Variants in DTNBP1 observed in about 807,000 individuals in gnomAD.
The protein encoded by DTNBP1 is dysbindin.
A neutral mutation model predicts 42.8 loss-of-function variants in DTNBP1; 35 were observed. The observed-to-expected ratio is 0.82, with a 90% confidence interval of 0.63 to 1.09. The LOEUF is 1.09. DTNBP1 is among the 50% of genes least tolerant of loss of function. The pLI is 0.00. For missense variants in DTNBP1, 457 were observed against 424.2 expected (o/e 1.08, Z -0.68); for synonymous variants, 171 against 162.2 (o/e 1.05, Z -0.41).
chr6:15,538,874 T>G (rs1410691386), intron 7 of DTNBP1, among the ~76,000 whole-genome samples: 3 of 152,296 alleles, frequency 2.0e-5, no homozygotes, highest in East Asian at 3.9e-4. Flanking sequence ...TTTCCTCTGG[T>G]TCAGCTCAGG....
At chr6:15,598,545 C>A (rs1776601486) in intron 6 of DTNBP1, among the ~76,000 whole-genome samples, 1 of 152,120 alleles carries the variant, frequency 6.6e-6, no homozygotes. Context: ...ATGGACAGAA[C>A]CTATTACTGT....
chr6:15,557,571 G>A (rs1427663569), intron 7 of DTNBP1, among the ~76,000 whole-genome samples: 1 of 152,090 alleles, frequency 6.6e-6, no homozygotes, highest in Non-Finnish European at 1.5e-5. Flanking sequence ...TTATCTAAGG[G>A]TTTTACTAAG....
chr6:15,589,473 A>T (rs1234068408), intron 7 of DTNBP1, among the ~76,000 whole-genome samples: 1 of 152,180 alleles, frequency 6.6e-6, no homozygotes, highest in African/African-American at 2.4e-5. Flanking sequence ...CTCCACAGCC[A>T]ATCATTTCAA....
At chr6:15,653,379 C>T (rs1455094788) in intron 1 of DTNBP1, among the ~76,000 whole-genome samples, 5 of 152,118 alleles carry the variant, frequency 3.3e-5, no homozygotes, top group Non-Finnish European at 1.5e-5. Flanking sequence ...CTTATGTCTA[C>T]CTTTCCTAAA....
At chr6:15,644,180 A>G (rs1760539638) in intron 3 of DTNBP1, among the ~76,000 whole-genome samples, 1 of 151,942 alleles carries the variant, frequency 6.6e-6, no homozygotes. Context: ...ACAGTTAAAA[A>G]AAAAAAAAAA....
chr6:15,637,387 T>TC (rs1423472215), intron 4 of DTNBP1, among the ~76,000 whole-genome samples: 8 of 152,210 alleles, frequency 5.3e-5, no homozygotes, highest in African/African-American at 1.7e-4. Context: ...TAAGGAATTC[T>TC]TAAATAGTGT....
At chr6:15,533,130 GAA>G in intron 8 of DTNBP1, 108 bp downstream of exon 8, 7 of 1,540,178 alleles carry the variant, frequency 4.5e-6, no homozygotes, top group Non-Finnish European at 6.1e-6. Context: ...TCTCATAACA[GAA>G]CGGAACTTCT....
At chr6:15,620,866 G>C (rs1581402492) in intron 5 of DTNBP1, among the ~76,000 whole-genome samples, 1 of 152,168 alleles carries the variant, frequency 6.6e-6, no homozygotes, top group African/African-American at 2.4e-5. Flanking sequence ...TGTGAAGAGA[G>C]AGCTAACAAC....
chr6:15,559,553 A>G (rs932686817), intron 7 of DTNBP1, among the ~76,000 whole-genome samples: 7 of 152,196 alleles, frequency 4.6e-5, no homozygotes, highest in Admixed American at 4.6e-4. Context: ...GCACCAAAAA[A>G]GAGCTCACGG....
At chr6:15,530,918 C>A (rs1772775253) in intron 8 of DTNBP1, among the ~76,000 whole-genome samples, 1 of 152,036 alleles carries the variant, frequency 6.6e-6, no homozygotes, top group South Asian at 2.1e-4. Context: ...CTGAATGTGT[C>A]CCCATAAAAT....
At chr6:15,534,660 A>T (rs1238718816) in intron 7 of DTNBP1, among the ~76,000 whole-genome samples, 1 of 6,026 alleles carries the variant, frequency 1.7e-4, no homozygotes. Flanking sequence ...ACTCTGTCTC[A>T]AAAAAAAAAA....
intron 5 of DTNBP1, among the ~76,000 whole-genome samples, chr6:15,616,313 T>C (rs1300467765): frequency 6.6e-6 from 1 of 152,224 alleles, no homozygotes; most frequent in Non-Finnish European, 1.5e-5. Context: ...TAACTAGTTA[T>C]CTATTATTCA....
intron 5 of DTNBP1, among the ~76,000 whole-genome samples, chr6:15,615,972 T>C (rs1361319304): frequency 3.9e-5 from 6 of 152,342 alleles, no homozygotes; most frequent in South Asian, 2.1e-4. Flanking sequence ...GCCTGTCAGG[T>C]GACTAGTCTT....
chr6:15,607,010 A>AT (rs3045755), intron 6 of DTNBP1, among the ~76,000 whole-genome samples: 20,453 of 138,008 alleles, frequency 0.15, 1,663 homozygotes, highest in East Asian at 0.28. Context: ...TCAAAAAAAA[A>AT]TTTTTTTTTT....
intron 7 of DTNBP1, among the ~76,000 whole-genome samples, chr6:15,562,509 CCAAATGG>C (rs1774889284): frequency 6.6e-6 from 1 of 152,080 alleles, no homozygotes; most frequent in African/African-American, 2.4e-5. Context: ...CTTAGAAATC[CCAAATGG>C]ATGTATGGAT....
At chr6:15,526,710 A>C (rs569242007) in intron 8 of DTNBP1, among the ~76,000 whole-genome samples, 1 of 152,208 alleles carries the variant, frequency 6.6e-6, no homozygotes, top group Admixed American at 6.5e-5. Flanking sequence ...CACGCTTCTG[A>C]GGGTTTCCTT....
chr6:15,650,382 C>T lies in DTNBP1; in HGVS notation c.161+931G>A, dbSNP rs1581436482. Among the ~76,000 whole-genome samples, 3 of 146,854 alleles carry T rather than the reference C, an allele frequency of 2.0e-5. No homozygotes were observed. In the East Asian group the frequency reaches 5.8e-4, roughly 29 times the overall value. On this transcript the variant is annotated intron_variant, in intron 3 of 9. Coordinates refer to ENST00000344537, the MANE Select transcript of DTNBP1 (RefSeq NM_032122.5). ...CTGCCGAGATCGCACCATTGCACTC[C>T]AGTGATTTTCCTGCCTCAGCCCCGA...
intron 7 of DTNBP1, among the ~76,000 whole-genome samples, chr6:15,538,880 T>G (rs1398598033): frequency 2.0e-5 from 3 of 152,188 alleles, no homozygotes; most frequent in Admixed American, 6.5e-5. Flanking sequence ...CTGGTTCAGC[T>G]CAGGGGAGTA....
intron 7 of DTNBP1, among the ~76,000 whole-genome samples, chr6:15,549,490 T>TAAAA (rs1561952291): frequency 3.9e-5 from 4 of 101,802 alleles, no homozygotes; most frequent in Non-Finnish European, 5.4e-5. Flanking sequence ...GTCTCAGGGA[T>TAAAA]TAAAAAAAAA....
Sources: allele counts gnomAD v4.1 joint callset (sites outside exome capture counted in the v4.1 genomes callset), GRCh38; gene constraint gnomAD v4.1.1; transcripts MANE v1.5; gene names NCBI Gene and HGNC (gene_info 2026-07-23, HGNC 2026-07-21).